The following PPHLN1 variants were observed in gnomAD, a reference collection of about 807,000 sequenced individuals.
PPHLN1 encodes periphilin-1.
PPHLN1 carries 29 observed loss-of-function variants against 51.3 expected under a neutral mutation model. The observed-to-expected ratio is 0.57, with a 90% CI of 0.42 to 0.77. The LOEUF (loss-of-function observed/expected upper bound fraction) is 0.77, where lower values mean the gene tolerates loss of function less well. Ranked by LOEUF, PPHLN1 falls within the 30% of genes least tolerant of loss-of-function variation. The probability of loss-of-function intolerance (pLI) is 0.00; values close to 1 mark genes in which losing one functional copy is unlikely to be tolerated. For synonymous variants in PPHLN1, 147 were observed against 147.8 expected (o/e 0.99, Z 0.04); for missense variants, 436 against 438.4 (o/e 0.99, Z 0.05).
intron 9 of PPHLN1, among the ~76,000 whole-genome samples, chr12:42,401,500 A>G (rs2139354918): frequency 9.7e-6 from 1 of 103,458 alleles, no homozygotes; most frequent in East Asian, 3.2e-4. Flanking sequence ...GCAGGAGGTG[A>G]GTGGCCATGG....
rs2072325274 is a variant in PPHLN1 at position 42,346,347 on chromosome 12, T to A, written c.73-5538T>A. Among the ~76,000 whole-genome samples the A allele has an allele frequency of 2.0e-5, 3 of 152,268 alleles. No individual in the cohort carries two copies. In the South Asian group the frequency reaches 6.2e-4, roughly 32 times the overall value. ...TTATCATGCAATATTTTTTTGTGTG[T>A]GTATCTAGCTTATTTCACTTAGCAT... On this transcript the variant is annotated intron_variant, in intron 2 of 9. Coordinates refer to ENST00000358314, the MANE Select transcript of PPHLN1 (RefSeq NM_201439.2).
At chr12:42,414,895 C>T (rs932574979) in intron 9 of PPHLN1, among the ~76,000 whole-genome samples, 4 of 152,120 alleles carry the variant, frequency 2.6e-5, no homozygotes, top group African/African-American at 4.8e-5. Flanking sequence ...GATTGTTTAT[C>T]GCTCATGTTA....
chr12:42,359,335 T>C (rs1009218710), intron 4 of PPHLN1: 8 of 152,248 alleles, frequency 5.3e-5, no homozygotes, highest in African/African-American at 1.9e-4. Context: ...CAAATGCTCT[T>C]CTAGTCTCTG....
At chr12:42,343,865 T>C (rs1313927802) in intron 2 of PPHLN1, 3 of 442,482 alleles carry the variant, frequency 6.8e-6, no homozygotes, top group Non-Finnish European at 1.4e-5. Flanking sequence ...CAAAAGACGT[T>C]GGAATGACTC....
At chr12:42,393,450 TG>T (rs2077911777) in intron 7 of PPHLN1, 119 bp from the exon 8 acceptor site, 1 of 940,348 alleles carries the variant, frequency 1.1e-6, no homozygotes, top group Non-Finnish European at 1.5e-6. Flanking sequence ...AGAATGTACC[TG>T]TTCTCCATAG....
chr12:42,354,979 C>T (rs1312703593), intron 3 of PPHLN1, among the ~76,000 whole-genome samples, 182 bp from the exon 4 acceptor site: 1 of 152,100 alleles, frequency 6.6e-6, no homozygotes, highest in Non-Finnish European at 1.5e-5. Flanking sequence ...TAAATGGTAC[C>T]ACAGGTTCTC....
At chr12:42,420,795 G>A (rs2952653) in intron 9 of PPHLN1, among the ~76,000 whole-genome samples, 44,637 of 150,462 alleles carry the variant, frequency 0.3, 7,671 homozygotes, top group Non-Finnish European at 0.38. Flanking sequence ...ACTAAATACT[G>A]AGAAGTTTTA....
intron 5 of PPHLN1, among the ~76,000 whole-genome samples, chr12:42,383,660 T>C (rs1477101644): frequency 6.6e-6 from 1 of 152,076 alleles, no homozygotes; most frequent in Admixed American, 6.6e-5. Flanking sequence ...TTGTCCATCA[T>C]GAGGCTCTGA....
intron 9 of PPHLN1, among the ~76,000 whole-genome samples, chr12:42,438,087 G>T (rs1211511964): frequency 6.6e-6 from 1 of 152,088 alleles, no homozygotes; most frequent in African/African-American, 2.4e-5. Context: ...GAACATCTTG[G>T]ATGCTTCCAA....
chr12:42,441,247 C>T lies in PPHLN1; in HGVS notation c.910-68C>T. On this transcript the variant is annotated intron_variant, in intron 9 of 9. Coordinates refer to ENST00000358314, the MANE Select transcript of PPHLN1 (RefSeq NM_201439.2). ...GATGTCAGCATCATAATTCTGCCAA[C>T]TCAGTTAGCTAAGTATTTGGCTAGT... 4 of 1,486,336 alleles carry T rather than the reference C, an allele frequency of 2.7e-6. No individual in the cohort carries two copies. The African/African-American group carries it at 4.2e-5, about 16-fold the overall frequency. 92.1% of individuals were successfully genotyped at this position (1,486,336 alleles called of 1,614,324 possible). A position where few individuals can be genotyped will look rare whatever the true frequency, so the allele number is the denominator to read the frequency against.
chr12:42,364,466 C>CA (rs879808444), intron 4 of PPHLN1, among the ~76,000 whole-genome samples: 5 of 151,602 alleles, frequency 3.3e-5, no homozygotes, highest in East Asian at 1.9e-4. Context: ...CCCATTTCTA[C>CA]AAAAAAAATT....
chr12:42,362,378 A>C (rs1355765971), intron 4 of PPHLN1, among the ~76,000 whole-genome samples: 2 of 152,032 alleles, frequency 1.3e-5, no homozygotes, highest in Non-Finnish European at 2.9e-5. Flanking sequence ...ATTTTGATGA[A>C]GTCCAATTTA....
rs141300033 is a variant in PPHLN1, at chr12:42,412,191, C to T, written c.909+13197C>T. 4.8e-3 allele frequency among the ~76,000 whole-genome samples: 737 copies of T among 152,076 alleles called. 4 individuals carry two copies. Among genetic ancestry groups the T allele is most frequent in the Middle Eastern group, 0.01 (3 of 294 alleles). On this transcript the variant is annotated intron_variant, in intron 9 of 9. Coordinates refer to ENST00000358314, the MANE Select transcript of PPHLN1 (RefSeq NM_201439.2). Reference sequence around the variant, plus strand: ...CTGCACTCCAGCCTGGGCGACAGAGCGAGACTCTTGTCTCAAAAAATAAAA... The same window carrying T: ...CTGCACTCCAGCCTGGGCGACAGAGTGAGACTCTTGTCTCAAAAAATAAAA...
At position 42,441,639 on chromosome 12, in the gene PPHLN1, A is replaced by G; in HGVS notation, c.*130A>G. 1.5e-6 allele frequency: 2 copies of G among 1,316,422 alleles called. No homozygotes were observed. The highest frequency in any genetic ancestry group is 2.0e-6 in the Non-Finnish European group (2 of 1,020,184). 81.5% of individuals were successfully genotyped at this position (1,316,422 alleles called of 1,614,324 possible). A position where few individuals can be genotyped will look rare whatever the true frequency, so the allele number is the denominator to read the frequency against. On this transcript the variant is annotated 3_prime_UTR_variant, in exon 10 of 10. Transcript: ENST00000358314. ...ACTTTATGATAGTTGACAACATTTC[A>G]GTATTAAATAAACATCTAAAATAGT...
At chr12:42,336,883 A>AT (rs1438035927) in intron 2 of PPHLN1, among the ~76,000 whole-genome samples, 4 of 152,144 alleles carry the variant, frequency 2.6e-5, no homozygotes, top group South Asian at 2.1e-4. Flanking sequence ...TACGTTAGTT[A>AT]TTTTTTACTT....
intron 1 of PPHLN1, among the ~76,000 whole-genome samples, chr12:42,326,760 T>C (rs1445877583): frequency 2.6e-5 from 4 of 152,178 alleles, no homozygotes; most frequent in African/African-American, 4.8e-5. Context: ...CGCACTGCTT[T>C]TTCTCTAAGA....
chr12:42,338,385 A>G (rs2071006830), intron 2 of PPHLN1, among the ~76,000 whole-genome samples: 1 of 152,214 alleles, frequency 6.6e-6, no homozygotes, highest in African/African-American at 2.4e-5. Context: ...TAAGATGAGT[A>G]GTGGATCCAG....
At chr12:42,429,566 A>G (rs2081842736) in intron 9 of PPHLN1, among the ~76,000 whole-genome samples, 2 of 152,168 alleles carry the variant, frequency 1.3e-5, no homozygotes, top group Admixed American at 6.5e-5. Context: ...ACAACACTTT[A>G]TATTTATTTT....
At chr12:42,436,594 C>T (rs893494241) in intron 9 of PPHLN1, among the ~76,000 whole-genome samples, 1 of 152,184 alleles carries the variant, frequency 6.6e-6, no homozygotes, top group Non-Finnish European at 1.5e-5. Context: ...TCTACTGCTT[C>T]TTAATTATAA....
Sources: allele counts gnomAD v4.1 joint callset (sites outside exome capture counted in the v4.1 genomes callset), GRCh38; gene constraint gnomAD v4.1.1; transcripts MANE v1.5; gene names NCBI Gene and HGNC (gene_info 2026-07-23, HGNC 2026-07-21).